Variants in MINDY4 observed in about 807,000 individuals in gnomAD.
The protein encoded by MINDY4 is probable ubiquitin carboxyl-terminal hydrolase MINDY-4.
A neutral mutation model predicts 87.0 loss-of-function variants in MINDY4; 68 were observed. The ratio of observed to expected loss-of-function variants is 0.78; its 90% confidence interval spans 0.64 to 0.96. The LOEUF is 0.96. Ranked by LOEUF, MINDY4 falls within the 40% of genes least tolerant of loss-of-function variation. The pLI, the probability that MINDY4 is intolerant of heterozygous loss-of-function variation, is 0.00. For synonymous variants in MINDY4, 379 were observed against 363.2 expected (o/e 1.04, Z -0.50); for missense variants, 919 against 928.2 (o/e 0.99, Z 0.13).
chr7:30,790,070 G>A (rs1787275048), intron 4 of MINDY4, among the ~76,000 whole-genome samples: 1 of 152,230 alleles, frequency 6.6e-6, no homozygotes, highest in Non-Finnish European at 1.5e-5. Context: ...ACGCATAGGA[G>A]TAGTGAGCGT....
chr7:30,828,558 C>T (rs1222131744), intron 5 of MINDY4, 121 bp from the exon 6 acceptor site: 2 of 1,015,920 alleles, frequency 2.0e-6, no homozygotes, highest in Non-Finnish European at 3.0e-6. Flanking sequence ...CACACAGAGG[C>T]AAGGCCAAGA....
chr7:30,781,937 G>A, intron 2 of MINDY4, 40 bp from the exon 3 acceptor site: 2 of 1,402,576 alleles, frequency 1.4e-6, no homozygotes, highest in East Asian at 4.6e-5. Context: ...CCCTGAAGCT[G>A]TATATAAATT....
At chr7:30,786,048 G>C in intron 4 of MINDY4, 56 bp downstream of exon 4, 6 of 1,599,738 alleles carry the variant, frequency 3.8e-6, no homozygotes, top group Non-Finnish European at 5.1e-6. Flanking sequence ...ACTGGGCTGG[G>C]CTTAAGGCAC....
At position 30,771,435 on chromosome 7, in the gene MINDY4, C is replaced by T. The variant is rs572439085; in HGVS notation, c.-59C>T. 2.1e-5 allele frequency: 32 copies of T among 1,552,858 alleles called. 1 individual carries two copies. The highest frequency in any genetic ancestry group is 1.6e-4 in the East Asian group (7 of 43,286). ...CGCGGCCATACTGCGCCGGACAGAC[C>T]CAGTTGCCTGGTGCTGCGGCCCGGC... On this transcript the variant is annotated 5_prime_UTR_variant, in exon 1 of 18. Coordinates refer to ENST00000265299, the MANE Select transcript of MINDY4 (RefSeq NM_032222.3).
intron 4 of MINDY4, among the ~76,000 whole-genome samples, chr7:30,788,334 C>T (rs758657504): frequency 1.1e-4 from 17 of 152,158 alleles, no homozygotes; most frequent in African/African-American, 3.1e-4. Flanking sequence ...TTATCAGTTT[C>T]GCTTGATATG....
intron 13 of MINDY4, among the ~76,000 whole-genome samples, chr7:30,860,455 G>A (rs564183989): frequency 1.7e-4 from 26 of 152,282 alleles, no homozygotes; most frequent in Middle Eastern, 6.8e-3. Context: ...GTGGACTCAC[G>A]TGCATGGAGA....
At chr7:30,876,998 TG>T (rs1790278847) in intron 15 of MINDY4, among the ~76,000 whole-genome samples, 1 of 152,052 alleles carries the variant, frequency 6.6e-6, no homozygotes, top group Admixed American at 6.5e-5. Flanking sequence ...ACCCATGTGG[TG>T]CAGCCCCCTC....
chr7:30,874,111 G>T (rs1464981609), intron 14 of MINDY4, among the ~76,000 whole-genome samples: 2 of 152,254 alleles, frequency 1.3e-5, no homozygotes, highest in African/African-American at 4.8e-5. Context: ...GGGCCGTTCT[G>T]GCCATTCCTA....
intron 12 of MINDY4, among the ~76,000 whole-genome samples, chr7:30,854,000 C>G (rs976649285): frequency 1.3e-5 from 2 of 152,188 alleles, no homozygotes; most frequent in Non-Finnish European, 2.9e-5. Context: ...CAGAGGAGAG[C>G]TGTACATCCA....
At chr7:30,817,591 T>C (rs1788192891) in intron 5 of MINDY4, among the ~76,000 whole-genome samples, 1 of 152,058 alleles carries the variant, frequency 6.6e-6, no homozygotes, top group African/African-American at 2.4e-5. Context: ...GTGTTTGCTG[T>C]GTGCATACCT....
At chr7:30,805,195 A>G (rs1041200205) in intron 5 of MINDY4, among the ~76,000 whole-genome samples, 6 of 152,204 alleles carry the variant, frequency 3.9e-5, no homozygotes, top group African/African-American at 9.6e-5. Flanking sequence ...TGGATGTGCC[A>G]GAGGGGTAAG....
chr7:30,885,959 A>C (rs1790622302), intron 17 of MINDY4, among the ~76,000 whole-genome samples: 1 of 152,122 alleles, frequency 6.6e-6, no homozygotes, highest in African/African-American at 2.4e-5. Flanking sequence ...TGAGTGGGTG[A>C]GTGGTGAGTG....
chr7:30,826,955 A>C (rs759023373), intron 5 of MINDY4, among the ~76,000 whole-genome samples: 1 of 152,160 alleles, frequency 6.6e-6, no homozygotes, highest in Non-Finnish European at 1.5e-5. Flanking sequence ...CTCTTTGAAG[A>C]ATTTCAGCCA....
chr7:30,806,754 G>T (rs1339471390), intron 5 of MINDY4, among the ~76,000 whole-genome samples: 1 of 152,376 alleles, frequency 6.6e-6, no homozygotes, highest in East Asian at 1.9e-4. Flanking sequence ...AAGGCTAGGG[G>T]AAGGTGGGTC....
At chr7:30,815,777 C>T (rs901219020) in intron 5 of MINDY4, among the ~76,000 whole-genome samples, 1 of 152,160 alleles carries the variant, frequency 6.6e-6, no homozygotes, top group Non-Finnish European at 1.5e-5. Context: ...CCTTTTGGAG[C>T]TGACTTCAGC....
At chr7:30,820,050 C>T (rs965421184) in intron 5 of MINDY4, among the ~76,000 whole-genome samples, 13 of 150,340 alleles carry the variant, frequency 8.6e-5, no homozygotes, top group South Asian at 8.5e-4. Context: ...TACAGGCGCC[C>T]GCCACTACGC....
At chr7:30,857,648 A>AT (rs1294755091) in intron 12 of MINDY4, 3 of 113,534 alleles carry the variant, frequency 2.6e-5, no homozygotes, top group Admixed American at 2.2e-4. Flanking sequence ...AATTTTTTGT[A>AT]TTTTTAGTAG....
chr7:30,835,170 A>G (rs1285991434), intron 6 of MINDY4, among the ~76,000 whole-genome samples: 1 of 152,216 alleles, frequency 6.6e-6, no homozygotes. Context: ...TGGGCAATTT[A>G]CAAAAGAAAG....
chr7:30,786,988 C>T (rs553489666), intron 4 of MINDY4, among the ~76,000 whole-genome samples: 87 of 152,348 alleles, frequency 5.7e-4, no homozygotes, highest in African/African-American at 1.7e-3. Context: ...TGTCCACCTG[C>T]GCTCTCACTT....
Sources: gnomAD v4.1 joint callset for allele counts (sites outside exome capture counted in the v4.1 genomes callset) on GRCh38, gnomAD v4.1.1 for gene constraint, MANE v1.5 for transcripts, NCBI Gene and HGNC (gene_info 2026-07-23, HGNC 2026-07-21) for gene names.